Variants in ARHGEF28 observed in about 807,000 individuals in gnomAD.
The protein encoded by ARHGEF28 is 190 kDa guanine nucleotide exchange factor.
Under a neutral mutation model 206.6 loss-of-function variants are expected in ARHGEF28, and 152 were observed. The observed-to-expected ratio is 0.74, with a 90% confidence interval of 0.64 to 0.84. The LOEUF is 0.84. Among genes scored for constraint, ARHGEF28 ranks in the 40% least tolerant of loss-of-function variants. The pLI, the probability that ARHGEF28 is intolerant of heterozygous loss-of-function variation, is 0.00. For missense variants in ARHGEF28, 2,028 were observed against 2,073.2 expected (o/e 0.98, Z 0.42); for synonymous variants, 763 against 776.4 (o/e 0.98, Z 0.29).
At chr5:73,663,639 G>A (rs1434981045) in intron 1 of ARHGEF28, among the ~76,000 whole-genome samples, 1 of 152,210 alleles carries the variant, frequency 6.6e-6, no homozygotes, top group Non-Finnish European at 1.5e-5. Context: ...TTGGCAAACA[G>A]TTCATGTGTT....
chr5:73,629,900 C>T (rs1237741692), intron 1 of ARHGEF28, among the ~76,000 whole-genome samples: 2 of 152,130 alleles, frequency 1.3e-5, no homozygotes. Flanking sequence ...AACATACAAG[C>T]GATGTTCTCT....
intron 1 of ARHGEF28, among the ~76,000 whole-genome samples, chr5:73,656,369 C>T (rs946283269): frequency 2.0e-5 from 3 of 152,208 alleles, no homozygotes; most frequent in Non-Finnish European, 4.4e-5. Context: ...GGTTTCCTTT[C>T]CCAAATCTGT....
intron 35 of ARHGEF28, among the ~76,000 whole-genome samples, chr5:73,913,208 C>T (rs1342908982): frequency 1.3e-5 from 2 of 152,188 alleles, no homozygotes; most frequent in African/African-American, 2.4e-5. Context: ...ACGCTCAGGA[C>T]ATTGACAGGA....
chr5:73,674,638 G>A (rs912193661), intron 1 of ARHGEF28, among the ~76,000 whole-genome samples: 1 of 152,194 alleles, frequency 6.6e-6, no homozygotes, highest in Non-Finnish European at 1.5e-5. Context: ...CAGCCCCTAG[G>A]TAGTTTCAGG....
chr5:73,783,618 C>T (rs1000151929), intron 7 of ARHGEF28, among the ~76,000 whole-genome samples: 2 of 152,114 alleles, frequency 1.3e-5, no homozygotes, highest in Non-Finnish European at 1.5e-5. Flanking sequence ...ATCTGCCCTA[C>T]AGCAGTGTGA....
intron 26 of ARHGEF28, among the ~76,000 whole-genome samples, chr5:73,887,905 T>C (rs998131731): frequency 2.6e-5 from 4 of 152,216 alleles, no homozygotes; most frequent in African/African-American, 2.4e-5. Context: ...ACTCAGCTGG[T>C]TCAGCAGTGT....
chr5:73,802,266 A>T (rs1219688116), intron 9 of ARHGEF28, among the ~76,000 whole-genome samples: 1 of 152,178 alleles, frequency 6.6e-6, no homozygotes. Flanking sequence ...AAGTGACTGT[A>T]ATTTGCTGTC....
At chr5:73,806,019 T>A (rs139762030) in intron 9 of ARHGEF28, among the ~76,000 whole-genome samples, 2,254 of 151,898 alleles carry the variant, frequency 0.015, 35 homozygotes, top group Middle Eastern at 0.063. Context: ...TTACAGTTTA[T>A]TAAACTCTTT....
intron 34 of ARHGEF28, 31 bp downstream of exon 34, chr5:73,909,928 C>A (rs765013631): frequency 6.8e-7 from 1 of 1,480,396 alleles, no homozygotes; most frequent in Admixed American, 2.4e-5. Flanking sequence ...TGTGAGGCAG[C>A]CTCTCAAAGA....
At chr5:73,700,051 C>G (rs1055883124) in intron 2 of ARHGEF28, among the ~76,000 whole-genome samples, 7 of 152,142 alleles carry the variant, frequency 4.6e-5, no homozygotes, top group Non-Finnish European at 7.3e-5. Flanking sequence ...CACTCCCATT[C>G]AATGTTCTAA....
At position 73,769,256 on chromosome 5, in the gene ARHGEF28, A is replaced by G. The variant is rs530844242; in HGVS notation, c.476-4599A>G. On this transcript the variant is annotated intron_variant, in intron 4 of 35. Coordinates refer to ENST00000513042, the MANE Select transcript of ARHGEF28 (RefSeq NM_001177693.2). ...GAGACAGAGACAGAAAAACAGAGAG[A>G]TACACTCATACCAATGGACCTCAGG... Among the ~76,000 whole-genome samples, 4 of 152,260 alleles carry G rather than the reference A, an allele frequency of 2.6e-5. 1 individual carries two copies. In the South Asian group the frequency reaches 6.2e-4, roughly 24 times the overall value.
intron 35 of ARHGEF28, among the ~76,000 whole-genome samples, chr5:73,937,683 C>G (rs139542169): frequency 2.0e-5 from 3 of 152,100 alleles, no homozygotes; most frequent in African/African-American, 4.8e-5. Flanking sequence ...ACAGGCAATT[C>G]GATCACAAAT....
At chr5:73,844,883 T>C (rs961987249) in intron 11 of ARHGEF28, among the ~76,000 whole-genome samples, 1 of 151,550 alleles carries the variant, frequency 6.6e-6, no homozygotes, top group African/African-American at 2.4e-5. Flanking sequence ...TGTTATGGAA[T>C]AGACCTGGGA....
chr5:73,892,005 T>A (rs1295857947), intron 26 of ARHGEF28, 47 bp from the exon 27 acceptor site: 24 of 1,536,952 alleles, frequency 1.6e-5, no homozygotes, highest in Non-Finnish European at 2.0e-5. Flanking sequence ...GGAGCCTTAC[T>A]TTAGCTAGGA....
At chr5:73,756,628 A>G (rs1752325085) in intron 4 of ARHGEF28, among the ~76,000 whole-genome samples, 2 of 152,192 alleles carry the variant, frequency 1.3e-5, no homozygotes, top group Admixed American at 1.3e-4. Flanking sequence ...TCTGTTATGT[A>G]TGTATGTAGG....
chr5:73,931,176 T>G (rs1480565570), intron 35 of ARHGEF28, among the ~76,000 whole-genome samples: 2 of 152,328 alleles, frequency 1.3e-5, no homozygotes, highest in Non-Finnish European at 2.9e-5. Context: ...TTGCCAAGGG[T>G]TTGACTCCAC....
chr5:73,741,377 GTGTGTGTGTATATATATATATATATA>G (rs1751391711), intron 2 of ARHGEF28, among the ~76,000 whole-genome samples: 5 of 73,064 alleles, frequency 6.8e-5, no homozygotes, highest in Non-Finnish European at 9.6e-5. Context: ...GTGTGTGTGT[GTGTGTGTGTATATATATATATATATA>G]TATATATATA....
At chr5:73,927,743 A>G (rs145235479) in intron 35 of ARHGEF28, among the ~76,000 whole-genome samples, 3 of 152,246 alleles carry the variant, frequency 2.0e-5, no homozygotes, top group African/African-American at 7.2e-5. Flanking sequence ...TTATAATTGT[A>G]TAATTCCTAA....
intron 2 of ARHGEF28, among the ~76,000 whole-genome samples, chr5:73,700,287 C>T (rs974881729): frequency 2.0e-5 from 3 of 152,080 alleles, no homozygotes; most frequent in East Asian, 3.9e-4. Context: ...TATATATTGA[C>T]GGAACACTTC....
Sources: gnomAD v4.1 joint callset for allele counts (sites outside exome capture counted in the v4.1 genomes callset) on GRCh38, gnomAD v4.1.1 for gene constraint, MANE v1.5 for transcripts, NCBI Gene and HGNC (gene_info 2026-07-23, HGNC 2026-07-21) for gene names.